ADGRB1: variants seen among roughly 807,000 people sequenced by gnomAD.
The protein encoded by ADGRB1 is brain-specific angiogenesis inhibitor 1.
Under a neutral mutation model 175.7 loss-of-function variants are expected in ADGRB1, and 36 were observed. The observed-to-expected ratio is 0.20, with a 90% CI of 0.16 to 0.27. The LOEUF (loss-of-function observed/expected upper bound fraction) is 0.27, where lower values mean the gene tolerates loss of function less well. ADGRB1 is among the 10% of genes least tolerant of loss of function. The probability of loss-of-function intolerance (pLI) is 1.00; values close to 1 mark genes in which losing one functional copy is unlikely to be tolerated. For synonymous variants in ADGRB1, 1,054 were observed against 979.4 expected, an observed-to-expected ratio of 1.08 and a Z score of -1.42; for missense variants, 1,731 against 2,255.3, an observed-to-expected ratio of 0.77 and a Z score of 4.71.
intron 17 of ADGRB1, among the ~76,000 whole-genome samples, chr8:142,497,373 G>A (rs1341357796): frequency 6.6e-6 from 1 of 152,166 alleles, no homozygotes; most frequent in Non-Finnish European, 1.5e-5. Context: ...CAGTGAGGGG[G>A]CAGGCCAAGG....
At chr8:142,540,827 G>A (rs1362388191) in intron 27 of ADGRB1, among the ~76,000 whole-genome samples, 1 of 152,064 alleles carries the variant, frequency 6.6e-6, no homozygotes, top group Non-Finnish European at 1.5e-5. Flanking sequence ...GAGGGAAGGG[G>A]CGGGGCTGAA....
At chr8:142,458,047 GTTCA>G (rs892686855) in intron 1 of ADGRB1, among the ~76,000 whole-genome samples, 1 of 149,722 alleles carries the variant, frequency 6.7e-6, no homozygotes, top group Non-Finnish European at 1.5e-5. Flanking sequence ...GGCGGGCACT[GTTCA>G]GAGGGCCGGC....
chr8:142,533,243 T>G, intron 24 of ADGRB1, 52 bp from the exon 25 acceptor site: 1 of 1,444,446 alleles, frequency 6.9e-7, no homozygotes. Context: ...CAGGGCAGGG[T>G]GTCCCTGGGG....
At chr8:142,477,322 G>C in intron 5 of ADGRB1, 44 bp downstream of exon 5, 1 of 1,582,616 alleles carries the variant, frequency 6.3e-7, no homozygotes, top group East Asian at 2.2e-5. Flanking sequence ...CCAGGGCAGC[G>C]GGGGGCCAGG....
At chr8:142,468,294 A>C (rs1249733919) in intron 2 of ADGRB1, among the ~76,000 whole-genome samples, 2 of 152,160 alleles carry the variant, frequency 1.3e-5, no homozygotes, top group Non-Finnish European at 2.9e-5. Context: ...GTATGTATCC[A>C]GGCTGGGCTC....
rs758851965 is a variant in ADGRB1 at position 142,533,362 on chromosome 8, G to A, written c.3466G>A (p.Ala1156Thr). ...LALTWMSAVLAVTDRRSALFQ... is the reference protein window; with the variant it reads ...LALTWMSAVLTVTDRRSALFQ... ...GCTGACCTGGATGTCGGCTGTGCTC[G>A]CCGTCACCGACCGCCGCTCCGCCCT... is the stretch of plus-strand genomic sequence containing the variant. Residue 1156 changes from alanine to threonine, a missense_variant, in exon 25 of 31, where the codon GCC (alanine) becomes ACC (threonine). Ala to Thr is a moderately conservative substitution (Grantham distance 58). Coordinates refer to ENST00000517894, the MANE Select transcript of ADGRB1 (RefSeq NM_001702.3). The A allele has an allele frequency of 4.4e-6, 7 of 1,602,368 alleles. No homozygotes were observed. The highest frequency in any genetic ancestry group is 2.2e-5 in the South Asian group (2 of 89,360).
rs561224556 is a variant in ADGRB1, at chr8:142,495,590, C to T, written c.2675+4775C>T. ...AAGATTCCTTCCTTGCCTCTTCCAG[C>T]TTCTGGTGGCTCTAGGAAATCCTTG... On this transcript the variant is annotated intron_variant, in intron 17 of 30. Coordinates refer to ENST00000517894, the MANE Select transcript of ADGRB1 (RefSeq NM_001702.3). 5.9e-5 allele frequency among the ~76,000 whole-genome samples: 9 copies of T among 152,182 alleles called. No individual in the cohort carries two copies. The East Asian group carries it at 7.7e-4, about 13-fold the overall frequency.
At chr8:142,513,878 G>C (rs1055800019) in intron 18 of ADGRB1, among the ~76,000 whole-genome samples, 1 of 152,074 alleles carries the variant, frequency 6.6e-6, no homozygotes, top group Non-Finnish European at 1.5e-5. Flanking sequence ...CTGGTGGCCC[G>C]CAAGGCCTGG....
intron 7 of ADGRB1, 135 bp downstream of exon 7, chr8:142,478,495 G>A: frequency 9.1e-7 from 1 of 1,098,708 alleles, no homozygotes; most frequent in Non-Finnish European, 1.3e-6. Context: ...GTGCACAGTG[G>A]GGTCTGGGGT....
chr8:142,464,100 A>ACCCGGCCCGCCCAGCCCCCCC lies in ADGRB1; in HGVS notation c.-97_-96insCGGCCCGCCCAGCCCCCCCCC. 2 of 280,424 alleles carry ACCCGGCCCGCCCAGCCCCCCC rather than the reference A, an allele frequency of 7.1e-6. No homozygotes were observed. The highest frequency in any genetic ancestry group is 1.6e-4 in the East Asian group (1 of 6,440). The allele number at this position is 280,424 out of a possible 1,614,324, so 17.4% of individuals were successfully genotyped here. On this transcript the variant is annotated 5_prime_UTR_variant, in exon 2 of 31. Transcript: ENST00000517894. ...ACCCTTGCCCCGCCTCCCTGCCCCC[A>ACCCGGCCCGCCCAGCCCCCCC]CCGGGCCGGCCCTGCCCGCCGCCGG...
chr8:142,500,915 A>C (rs1331546083), intron 17 of ADGRB1, among the ~76,000 whole-genome samples: 3 of 152,116 alleles, frequency 2.0e-5, no homozygotes, highest in African/African-American at 7.2e-5. Context: ...CAGGTGTGAC[A>C]GGCAGTGGTG....
chr8:142,482,604 A>T (rs779104069), intron 11 of ADGRB1, among the ~76,000 whole-genome samples: 1 of 149,002 alleles, frequency 6.7e-6, no homozygotes, highest in Non-Finnish European at 1.5e-5. Context: ...CCCTCGTCAC[A>T]TGCTGAACCC....
chr8:142,526,695 G>A, intron 24 of ADGRB1, 68 bp downstream of exon 24: 2 of 1,471,568 alleles, frequency 1.4e-6, no homozygotes, highest in Non-Finnish European at 1.9e-6. Context: ...CCAGCCCCGG[G>A]GGATGGAGAA....
chr8:142,481,360 G>T lies in ADGRB1; in HGVS notation c.1935G>T (p.Met645Ile), dbSNP rs765006337. 1 of 1,613,720 alleles carries T rather than the reference G, an allele frequency of 6.2e-7. No homozygotes were observed. The highest frequency in any genetic ancestry group is 8.5e-7 in the Non-Finnish European group (1 of 1,179,856). Residue 645 changes from methionine (M) to isoleucine (I), a missense_variant and splice_region_variant, in exon 10 of 31, where the codon ATG becomes ATT. Transcript: ENST00000517894. Reference sequence around the variant, plus strand: ...TTGACTACAGAAACATCCAGATGATGGTGAGGGCCAGTTCCCGGGGGTCTC... The same window carrying T: ...TTGACTACAGAAACATCCAGATGATTGTGAGGGCCAGTTCCCGGGGGTCTC... ...VSIDYRNIQM[M>I]TREHLAKAQR...
chr8:142,512,522 G>T (rs1843160942), intron 18 of ADGRB1, among the ~76,000 whole-genome samples: 1 of 152,194 alleles, frequency 6.6e-6, no homozygotes, highest in African/African-American at 2.4e-5. Context: ...TATGGTGTGT[G>T]CCCCATCTGC....
In ADGRB1 at chr8:142,542,825, C is replaced by T. The variant is rs1845362165; in HGVS notation, c.4413+178C>T. On this transcript the variant is annotated intron_variant, in intron 28 of 30. Transcript: ENST00000517894. The surrounding 1 kb of genome is among the most constrained non-coding windows in gnomAD (Gnocchi z 6.3). ...GCTGTGTATGTCTGACGTGTGGTCC[C>T]CACCCTAGGCTTGGCAGGGTGGTCT... Among the ~76,000 whole-genome samples, 1 of 152,136 alleles carries T rather than the reference C, an allele frequency of 6.6e-6. No individual in the cohort carries two copies.
intron 14 of ADGRB1, 122 bp from the exon 15 acceptor site, chr8:142,488,913 C>T (rs1841842354): frequency 1.3e-5 from 16 of 1,245,708 alleles, no homozygotes; most frequent in Non-Finnish European, 1.7e-5. Context: ...CCGCCAGGGC[C>T]CTGGACGCGA....
At chr8:142,485,744 C>T (rs1451354385) in intron 13 of ADGRB1, among the ~76,000 whole-genome samples, 3 of 152,234 alleles carry the variant, frequency 2.0e-5, no homozygotes, top group African/African-American at 4.8e-5. Flanking sequence ...CCCACACACG[C>T]TTCAAACCCT....
intron 17 of ADGRB1, 76 bp downstream of exon 17, chr8:142,490,891 T>C: frequency 1.3e-6 from 2 of 1,516,224 alleles, no homozygotes; most frequent in Non-Finnish European, 1.8e-6. Context: ...AGGGGAGGGG[T>C]GCAGGTTTCA....
Sources: allele counts gnomAD v4.1 joint callset (sites outside exome capture counted in the v4.1 genomes callset), GRCh38; gene constraint gnomAD v4.1.1; non-coding constraint Gnocchi (gnomAD v3.1); transcripts MANE v1.5; gene names NCBI Gene and HGNC (gene_info 2026-07-23, HGNC 2026-07-21).